PGCKA1: variants seen among roughly 807,000 people sequenced by gnomAD.
PGCKA1 encodes PDCD10 and GCKIII kinases-associated protein 1.
At chr4:37,532,856 G>A in the PGCKA1 span, among the ~76,000 whole-genome samples, 1 of 151,038 alleles carries the variant, frequency 6.6e-6, no homozygotes, top group Non-Finnish European at 1.5e-5. Context: ...AAAGCAAGTT[G>A]AAGATAAGCT....
the PGCKA1 span, among the ~76,000 whole-genome samples, chr4:37,521,792 C>A: frequency 6.6e-6 from 1 of 152,216 alleles, no homozygotes; most frequent in Non-Finnish European, 1.5e-5. Flanking sequence ...ATGTTGAAGT[C>A]TCCAGCTATT....
At chr4:37,481,902 G>C in the PGCKA1 span, among the ~76,000 whole-genome samples, 19 of 152,126 alleles carry the variant, frequency 1.2e-4, no homozygotes, top group African/African-American at 4.3e-4. Context: ...ATAATAGTGA[G>C]TAAGTTCTCA....
At chr4:37,588,370 C>A in the PGCKA1 span, 1 of 156,604 alleles carries the variant, frequency 6.4e-6, no homozygotes, top group Non-Finnish European at 1.4e-5. Context: ...ACAATGGATC[C>A]GCCAGCTTAT....
At chr4:37,544,642 C>G in the PGCKA1 span, among the ~76,000 whole-genome samples, 1 of 150,540 alleles carries the variant, frequency 6.6e-6, no homozygotes, top group Non-Finnish European at 1.5e-5. Flanking sequence ...TTTCAAGGAG[C>G]TGTTTTTTTT....
chr4:37,501,731 A>G, the PGCKA1 span, among the ~76,000 whole-genome samples: 1 of 152,184 alleles, frequency 6.6e-6, no homozygotes, highest in Non-Finnish European at 1.5e-5. Flanking sequence ...CTTCATTCCT[A>G]TCCATATCCT....
the PGCKA1 span, chr4:37,590,525 T>G: frequency 6.2e-7 from 1 of 1,614,086 alleles, no homozygotes; most frequent in Non-Finnish European, 8.5e-7. Context: ...GGGACCCAAG[T>G]CATGAGAAAT....
chr4:37,496,028 T>C, the PGCKA1 span, among the ~76,000 whole-genome samples: 3 of 152,230 alleles, frequency 2.0e-5, no homozygotes, highest in Non-Finnish European at 4.4e-5. Flanking sequence ...CCTGGTGTTC[T>C]ATAGACAATC....
At chr4:37,490,930 A>C in the PGCKA1 span, among the ~76,000 whole-genome samples, 1 of 152,250 alleles carries the variant, frequency 6.6e-6, no homozygotes, top group African/African-American at 2.4e-5. Flanking sequence ...CAAAAGGGAA[A>C]GGGAGTACCC....
chr4:37,529,907 G>A, the PGCKA1 span, among the ~76,000 whole-genome samples: 2 of 151,966 alleles, frequency 1.3e-5, no homozygotes, highest in African/African-American at 4.8e-5. Flanking sequence ...TATAAGATAG[G>A]TATTATTATC....
the PGCKA1 span, among the ~76,000 whole-genome samples, chr4:37,514,599 C>T: frequency 6.6e-6 from 1 of 152,080 alleles, no homozygotes; most frequent in Non-Finnish European, 1.5e-5. Context: ...CACATACACC[C>T]CCCACAGACT....
At chr4:37,551,545 T>C in the PGCKA1 span, among the ~76,000 whole-genome samples, 2 of 152,176 alleles carry the variant, frequency 1.3e-5, no homozygotes, top group African/African-American at 4.8e-5. Context: ...ATAGATTGGC[T>C]CTCGACTACT....
At chr4:37,557,863 C>T in the PGCKA1 span, among the ~76,000 whole-genome samples, 3 of 152,178 alleles carry the variant, frequency 2.0e-5, no homozygotes, top group East Asian at 5.8e-4. Context: ...AATGTGAAAC[C>T]CCTTGCCTTC....
the PGCKA1 span, among the ~76,000 whole-genome samples, chr4:37,504,076 G>C: frequency 6.6e-6 from 1 of 152,138 alleles, no homozygotes; most frequent in Non-Finnish European, 1.5e-5. Flanking sequence ...TTCACAGTTT[G>C]AGGTCTTAGA....
At chr4:37,589,905 T>C in the PGCKA1 span, among the ~76,000 whole-genome samples, 1 of 152,260 alleles carries the variant, frequency 6.6e-6, no homozygotes, top group African/African-American at 2.4e-5. Flanking sequence ...TTGCTGAGAT[T>C]ACAGGCGTGA....
chr4:37,516,123 G>T, the PGCKA1 span, among the ~76,000 whole-genome samples: 2 of 152,074 alleles, frequency 1.3e-5, no homozygotes. Context: ...AGAGTTCCTT[G>T]AAGTCATCAT....
At chr4:37,507,850 T>G in the PGCKA1 span, among the ~76,000 whole-genome samples, 3 of 152,202 alleles carry the variant, frequency 2.0e-5, no homozygotes, top group Non-Finnish European at 4.4e-5. Context: ...TAGCCTTTCT[T>G]GTTGAACAGG....
chr4:37,525,345 C>T, the PGCKA1 span, among the ~76,000 whole-genome samples: 1 of 152,080 alleles, frequency 6.6e-6, no homozygotes, highest in East Asian at 1.9e-4. Flanking sequence ...GGTCTTTACA[C>T]CATTTAAAAA....
the PGCKA1 span, chr4:37,584,243 G>A: frequency 2.6e-5 from 4 of 152,204 alleles, no homozygotes; most frequent in African/African-American, 9.7e-5. Context: ...ACACAACCTT[G>A]GACATTAGAG....
the PGCKA1 span, among the ~76,000 whole-genome samples, chr4:37,551,431 A>T: frequency 6.6e-6 from 1 of 152,226 alleles, no homozygotes; most frequent in African/African-American, 2.4e-5. Context: ...ACAGAATCAT[A>T]TGGTTGCAAG....
Sources: gnomAD v4.1 joint callset for allele counts (sites outside exome capture counted in the v4.1 genomes callset) on GRCh38, gnomAD v4.1.1 for gene constraint, MANE v1.5 for transcripts, NCBI Gene and HGNC (gene_info 2026-07-23, HGNC 2026-07-21) for gene names.